SUGCT: variants seen among roughly 807,000 people sequenced by gnomAD.
The protein encoded by SUGCT is succinyl-CoA:glutarate-CoA transferase.
SUGCT carries 41 observed loss-of-function variants against 55.0 expected under a neutral mutation model. That is an observed-to-expected ratio of 0.74 (90% CI 0.58 to 0.97). The LOEUF (loss-of-function observed/expected upper bound fraction) is 0.97. Ranked by LOEUF, SUGCT falls within the 50% of genes least tolerant of loss-of-function variation. SUGCT has a pLI of 0.00. For missense variants in SUGCT, 568 were observed against 547.8 expected (o/e 1.04, Z -0.37); for synonymous variants, 187 against 200.4 (o/e 0.93, Z 0.56).
intron 1 of SUGCT, among the ~76,000 whole-genome samples, chr7:40,136,690 G>T (rs1233916902): frequency 6.6e-6 from 1 of 152,118 alleles, no homozygotes; most frequent in Non-Finnish European, 1.5e-5. Context: ...CACCTTTCTG[G>T]ACATTGTCTT....
At chr7:40,575,781 A>G (rs1172800478) in intron 12 of SUGCT, among the ~76,000 whole-genome samples, 3 of 151,868 alleles carry the variant, frequency 2.0e-5, no homozygotes, top group Non-Finnish European at 4.4e-5. Context: ...CCCTGTCTCT[A>G]CTCAAAATAC....
At chr7:40,845,374 C>A (rs1793501982) in intron 13 of SUGCT, among the ~76,000 whole-genome samples, 1 of 152,148 alleles carries the variant, frequency 6.6e-6, no homozygotes, top group African/African-American at 2.4e-5. Flanking sequence ...CATTTTGGCA[C>A]ATATACCCAC....
At chr7:40,462,736 C>T (rs941349718) in intron 11 of SUGCT, among the ~76,000 whole-genome samples, 1 of 152,144 alleles carries the variant, frequency 6.6e-6, no homozygotes, top group African/African-American at 2.4e-5. Context: ...CAGTAAAATA[C>T]AGTCAAGAAT....
intron 3 of SUGCT, among the ~76,000 whole-genome samples, chr7:40,185,610 C>T (rs1185270104): frequency 2.0e-5 from 3 of 152,182 alleles, no homozygotes; most frequent in Non-Finnish European, 4.4e-5. Flanking sequence ...GCAACCTCTA[C>T]CTCCCAGGTT....
the SUGCT span, among the ~76,000 whole-genome samples, chr7:40,931,824 T>G: frequency 2.0e-5 from 3 of 152,220 alleles, no homozygotes; most frequent in African/African-American, 4.8e-5. Context: ...TTATTCCTTA[T>G]TAGTCTTGCT....
At chr7:40,690,653 T>G (rs991314625) in intron 12 of SUGCT, among the ~76,000 whole-genome samples, 1 of 152,080 alleles carries the variant, frequency 6.6e-6, no homozygotes, top group Non-Finnish European at 1.5e-5. Flanking sequence ...CTGCAACCTC[T>G]GACCTCCTCG....
chr7:40,913,803 T>G, the SUGCT span, among the ~76,000 whole-genome samples: 1 of 152,190 alleles, frequency 6.6e-6, no homozygotes, highest in African/African-American at 2.4e-5. Flanking sequence ...GCTCCTCTCA[T>G]GGTGATTACC....
At chr7:40,280,605 G>A (rs1792888779) in intron 8 of SUGCT, among the ~76,000 whole-genome samples, 1 of 152,012 alleles carries the variant, frequency 6.6e-6, no homozygotes, top group Non-Finnish European at 1.5e-5. Context: ...CATATTACAT[G>A]AACATATTCA....
chr7:41,011,448 T>G, the SUGCT span, among the ~76,000 whole-genome samples: 1 of 152,226 alleles, frequency 6.6e-6, no homozygotes. Context: ...ATGATTTATT[T>G]CTTAGAGCCC....
the SUGCT span, among the ~76,000 whole-genome samples, chr7:40,926,746 C>T: frequency 1.3e-5 from 2 of 152,178 alleles, no homozygotes; most frequent in Non-Finnish European, 2.9e-5. Context: ...ACTGAATCAG[C>T]TGGCATCTTG....
chr7:40,711,867 A>C (rs1014595093), intron 12 of SUGCT, among the ~76,000 whole-genome samples: 8 of 152,208 alleles, frequency 5.3e-5, no homozygotes, highest in Admixed American at 5.2e-4. Context: ...AGTTCCCTGG[A>C]GTGGCTCATG....
downstream of SUGCT, among the ~76,000 whole-genome samples, chr7:40,864,694 A>T (rs960560972): frequency 6.6e-6 from 1 of 152,078 alleles, no homozygotes; most frequent in African/African-American, 2.4e-5. Context: ...GAGGAATGGG[A>T]ACTGGAATAG....
chr7:40,575,046 C>T (rs1325514290), intron 12 of SUGCT, among the ~76,000 whole-genome samples: 1 of 150,218 alleles, frequency 6.7e-6, no homozygotes, highest in Non-Finnish European at 1.5e-5. Flanking sequence ...CCCTCCTTAA[C>T]TCATTAAGCA....
intron 7 of SUGCT, among the ~76,000 whole-genome samples, chr7:40,258,498 C>T (rs1019384240): frequency 3.9e-5 from 6 of 152,190 alleles, no homozygotes; most frequent in Non-Finnish European, 7.3e-5. Flanking sequence ...CCTGCCTCAG[C>T]CTCCTGAGTA....
chr7:40,352,990 C>T (rs1468485028), intron 9 of SUGCT, among the ~76,000 whole-genome samples: 1 of 152,114 alleles, frequency 6.6e-6, no homozygotes, highest in African/African-American at 2.4e-5. Flanking sequence ...GAGATGGTAA[C>T]TCATTGTGGT....
At chr7:40,749,059 T>G (rs1787878110) in intron 12 of SUGCT, among the ~76,000 whole-genome samples, 1 of 152,192 alleles carries the variant, frequency 6.6e-6, no homozygotes. Context: ...GTCCTATTTC[T>G]TGACCTTGGC....
intron 7 of SUGCT, among the ~76,000 whole-genome samples, chr7:40,267,337 C>G (rs937622251): frequency 6.6e-6 from 1 of 151,962 alleles, no homozygotes; most frequent in African/African-American, 2.4e-5. Context: ...TCTGAGTGAC[C>G]ATGAACAAAA....
the SUGCT span, among the ~76,000 whole-genome samples, chr7:40,941,886 T>C: frequency 2.6e-5 from 4 of 152,136 alleles, no homozygotes; most frequent in African/African-American, 4.8e-5. Flanking sequence ...TAATAGCTAC[T>C]ACTGTTCATT....
chr7:40,678,640 A>G (rs1784109638), intron 12 of SUGCT, among the ~76,000 whole-genome samples: 1 of 152,208 alleles, frequency 6.6e-6, no homozygotes, highest in South Asian at 2.1e-4. Flanking sequence ...CACTATAATA[A>G]CATAGAATGA....
Sources: gnomAD v4.1 joint callset for allele counts (sites outside exome capture counted in the v4.1 genomes callset) on GRCh38, gnomAD v4.1.1 for gene constraint, MANE v1.5 for transcripts, NCBI Gene and HGNC (gene_info 2026-07-23, HGNC 2026-07-21) for gene names.